CAPN7: variants seen among roughly 807,000 people sequenced by gnomAD.
CAPN7 encodes calpain 7, also known as calpain-7.
CAPN7 carries 72 observed loss-of-function variants against 115.2 expected under a neutral mutation model. The observed-to-expected ratio is 0.63, with a 90% CI of 0.52 to 0.76. CAPN7 has a LOEUF of 0.76. CAPN7 is among the 30% of genes least tolerant of loss of function. The pLI is 0.00. For synonymous variants in CAPN7, 344 were observed against 322.3 expected, an observed-to-expected ratio of 1.07 and a Z score of -0.72; for missense variants, 905 against 971.5, an observed-to-expected ratio of 0.93 and a Z score of 0.91.
At position 15,230,484 on chromosome 3, in the gene CAPN7, T is replaced by C. The variant is rs767515307; in HGVS notation, c.981T>C (p.Asn327=). ...PQNKDGEPEY[N]PCGKYMVKLH... is the part of the protein sequence containing the mutation. Reference sequence around the variant, plus strand: ...ACAAGGATGGTGAACCAGAATACAATCCATGTGGGAAGTATATGGTAAAAC... The same window carrying C: ...ACAAGGATGGTGAACCAGAATACAACCCATGTGGGAAGTATATGGTAAAAC... The change falls in exon 9 of 21, where the codon AAT becomes AAC. Residue 327 remains asparagine (N), a synonymous_variant. Coordinates refer to ENST00000253693, the MANE Select transcript of CAPN7 (RefSeq NM_014296.3). The C allele has an allele frequency of 3.7e-6, 6 of 1,613,240 alleles. No homozygotes were observed. In the Admixed American group the frequency reaches 8.3e-5, roughly 22 times the overall value.
At chr3:15,242,369 T>TAA (rs1695400668) in intron 16 of CAPN7, 116 bp downstream of exon 16, 1 of 639,076 alleles carries the variant, frequency 1.6e-6, no homozygotes, top group African/African-American at 1.9e-5. Context: ...ATTATGTTGA[T>TAA]AGACTAATAG....
At chr3:15,233,129 A>G (rs1215435335) in intron 10 of CAPN7, among the ~76,000 whole-genome samples, 1 of 152,228 alleles carries the variant, frequency 6.6e-6, no homozygotes, top group Non-Finnish European at 1.5e-5. Flanking sequence ...TACAATAACC[A>G]GCCTGTGGCC....
rs150552041 is a variant in CAPN7, at chr3:15,207,009, C to G, written c.102+412C>G. Among the ~76,000 whole-genome samples the G allele has an allele frequency of 3.9e-3, 587 of 152,350 alleles. 2 individuals carry two copies. The highest frequency in any genetic ancestry group is 0.013 in the African/African-American group (558 of 41,574). On this transcript the variant is annotated intron_variant, in intron 1 of 20. Coordinates refer to ENST00000253693, the MANE Select transcript of CAPN7 (RefSeq NM_014296.3). ...AACTTAAAAAGAATAAAAACCATCT[C>G]CTGTCATAGCATTTGACATACAGTC...
rs1405805187 is a variant in CAPN7 at position 15,235,054 on chromosome 3, C to T, written c.1316C>T (p.Ala439Val). Residue 439 changes from alanine to valine, a missense_variant, in exon 12 of 21, where the codon GCG becomes GTG. Transcript: ENST00000253693. ...CACAAAGGAGATGTCCTCATCACTG[C>T]GTCAACTGGAATGATGACAGAAGCT... ...RFHKGDVLIT[A>V]STGMMTEAEG... 11 of 1,612,450 alleles carry T rather than the reference C, an allele frequency of 6.8e-6. No homozygotes were observed. The highest frequency in any genetic ancestry group is 4.0e-5 in the African/African-American group (3 of 74,848).
chr3:15,246,900 G>A (rs1246854807), intron 18 of CAPN7, 106 bp downstream of exon 18: 1 of 874,842 alleles, frequency 1.1e-6, no homozygotes, highest in African/African-American at 1.8e-5. Context: ...GGCTTCACAG[G>A]AATATAAGGG....
chr3:15,227,463 G>T (rs1256697146), intron 6 of CAPN7, among the ~76,000 whole-genome samples: 2 of 152,160 alleles, frequency 1.3e-5, no homozygotes, highest in Non-Finnish European at 2.9e-5. Context: ...AGTGGAGTTT[G>T]TAAAAAACCA....
chr3:15,228,734 C>T (rs935227726), intron 7 of CAPN7, among the ~76,000 whole-genome samples: 8 of 151,958 alleles, frequency 5.3e-5, no homozygotes, highest in African/African-American at 1.2e-4. Flanking sequence ...GGGAGAGGAG[C>T]GGAAAAAATA....
At chr3:15,233,560 CA>C (rs1175272876) in intron 10 of CAPN7, among the ~76,000 whole-genome samples, 5 of 152,220 alleles carry the variant, frequency 3.3e-5, no homozygotes, top group African/African-American at 4.8e-5. Context: ...TGCAAGAACT[CA>C]CTAAAGGACT....
chr3:15,220,008 C>G (rs1185318151), intron 4 of CAPN7, among the ~76,000 whole-genome samples: 1 of 152,140 alleles, frequency 6.6e-6, no homozygotes, highest in African/African-American at 2.4e-5. Context: ...CGAGACCAGC[C>G]TGGCCAACGT....
At chr3:15,227,220 G>C (rs978644568) in intron 6 of CAPN7, among the ~76,000 whole-genome samples, 2 of 152,154 alleles carry the variant, frequency 1.3e-5, no homozygotes, top group Non-Finnish European at 1.5e-5. Context: ...GAGGGTAATG[G>C]ATAAGAATGG....
At chr3:15,219,326 T>C (rs1040391436) in intron 4 of CAPN7, among the ~76,000 whole-genome samples, 2 of 152,196 alleles carry the variant, frequency 1.3e-5, no homozygotes, top group Admixed American at 1.3e-4. Context: ...ATTGCTTTTA[T>C]ACCTACATCA....
At chr3:15,221,094 C>T in intron 5 of CAPN7, 113 bp downstream of exon 5, 2 of 768,808 alleles carry the variant, frequency 2.6e-6, no homozygotes, top group Non-Finnish European at 4.3e-6. Flanking sequence ...GTGTATTGTG[C>T]TGTTATTATG....
chr3:15,220,946 A>G lies in CAPN7; in HGVS notation c.603A>G (p.Gly201=). ...FISPQSCDAQ[G]QRYTAEEIEV... ...GTCCTCAGTCATGTGATGCACAAGG[A>G]CAGAGATACACAGCAGAAGAAATAG... Residue 201 remains glycine, a synonymous_variant, in exon 5 of 21, where the codon GGA becomes GGG. Coordinates refer to ENST00000253693, the MANE Select transcript of CAPN7 (RefSeq NM_014296.3). The G allele has an allele frequency of 1.2e-6, 2 of 1,614,096 alleles. No individual in the cohort carries two copies. Among genetic ancestry groups the G allele is most frequent in the Non-Finnish European group, 1.7e-6 (2 of 1,179,946 alleles).
Position 15,251,454 on chromosome 3 carries a change from G to C in CAPN7, c.*194G>C, listed in dbSNP as rs1696001537. The C allele has an allele frequency of 1.5e-5, 7 of 467,400 alleles. No homozygotes were observed. The South Asian group carries it at 3.0e-4, about 20-fold the overall frequency. 29.0% of individuals were successfully genotyped at this position (467,400 alleles called of 1,614,324 possible). ...TAGTCAGAATTACCTAAATCACCTA[G>C]AGGTACCGTTTACATGGTTTTGTGT... On this transcript the variant is annotated 3_prime_UTR_variant, in exon 21 of 21. Coordinates refer to ENST00000253693, the MANE Select transcript of CAPN7 (RefSeq NM_014296.3).
At chr3:15,232,945 A>G (rs1313477762) in intron 10 of CAPN7, among the ~76,000 whole-genome samples, 1 of 152,192 alleles carries the variant, frequency 6.6e-6, no homozygotes, top group Non-Finnish European at 1.5e-5. Flanking sequence ...GATGTGTCAT[A>G]TTGTCATGTA....
Position 15,211,978 on chromosome 3 carries a change from A to G in CAPN7, c.103-126A>G, listed in dbSNP as rs1575156069. On this transcript the variant is annotated intron_variant, in intron 1 of 20. Transcript: ENST00000253693. The stretch of plus-strand genomic sequence containing the variant: ...TAACTACTTTATGAAAAAAATTACT[A>G]TTAATAATAATTTAAAGACATTCTT... 5.0e-5 allele frequency: 24 copies of G among 484,558 alleles called. 1 individual carries two copies. The South Asian group carries it at 9.5e-4, about 19-fold the overall frequency. 30.0% of individuals were successfully genotyped at this position (484,558 alleles called of 1,614,324 possible).
At chr3:15,221,094 C>A in intron 5 of CAPN7, 113 bp downstream of exon 5, 1 of 768,808 alleles carries the variant, frequency 1.3e-6, no homozygotes, top group Non-Finnish European at 2.2e-6. Flanking sequence ...GTGTATTGTG[C>A]TGTTATTATG....
At position 15,251,422 on chromosome 3, in the gene CAPN7, C is replaced by T. The variant is rs890283929; in HGVS notation, c.*162C>T. 1.7e-6 allele frequency: 1 copy of T among 596,102 alleles called. No individual in the cohort carries two copies. Among genetic ancestry groups the T allele is most frequent in the African/African-American group, 1.9e-5 (1 of 53,222 alleles). The allele number at this position is 596,102 out of a possible 1,614,324, so 36.9% of individuals were successfully genotyped here. A position where few individuals can be genotyped will look rare whatever the true frequency, so the allele number is the denominator to read the frequency against. The stretch of plus-strand genomic sequence containing the variant: ...TGCTTGTCAGGGTGTTTGGTAAGAA[C>T]TGTATATAGTCAGAATTACCTAAAT... On this transcript the variant is annotated 3_prime_UTR_variant, in exon 21 of 21. Transcript: ENST00000253693.
At chr3:15,219,286 T>C (rs1416851608) in intron 4 of CAPN7, among the ~76,000 whole-genome samples, 1 of 152,116 alleles carries the variant, frequency 6.6e-6, no homozygotes, top group Non-Finnish European at 1.5e-5. Flanking sequence ...GAAAGAGTGT[T>C]GTAGACACAC....
Sources: gnomAD v4.1 joint callset for allele counts (sites outside exome capture counted in the v4.1 genomes callset) on GRCh38, gnomAD v4.1.1 for gene constraint, MANE v1.5 for transcripts, NCBI Gene and HGNC (gene_info 2026-07-23, HGNC 2026-07-21) for gene names.